FAM120B: variants seen among roughly 807,000 people sequenced by gnomAD.
FAM120B encodes family with sequence similarity 120 member B.
Under a neutral mutation model 96.3 loss-of-function variants are expected in FAM120B, and 83 were observed. The observed-to-expected ratio is 0.86, with a 90% CI of 0.72 to 1.03. The LOEUF (loss-of-function observed/expected upper bound fraction) is 1.03. FAM120B is among the 50% of genes least tolerant of loss of function. The pLI is 0.00. For synonymous variants in FAM120B, 407 were observed against 402.7 expected (o/e 1.01, Z -0.13); for missense variants, 1,027 against 1,121.2 (o/e 0.92, Z 1.20).
intron 9 of FAM120B, among the ~76,000 whole-genome samples, chr6:170,397,927 G>C (rs1005669040): frequency 6.6e-6 from 1 of 152,226 alleles, no homozygotes; most frequent in Non-Finnish European, 1.5e-5. Context: ...GTGCTGTCAT[G>C]TCCCCTACTC....
chr6:170,290,965 G>A, upstream of FAM120B: 3 of 701,112 alleles, frequency 4.3e-6, no homozygotes, highest in East Asian at 2.7e-5. The surrounding 1 kb of genome is among the most constrained non-coding windows in gnomAD (Gnocchi z 4.7). Flanking sequence ...ATATTCAGCC[G>A]GCCGCCCGCA....
intron 8 of FAM120B, among the ~76,000 whole-genome samples, chr6:170,392,491 CATTG>C (rs1327965988): frequency 6.6e-6 from 1 of 152,216 alleles, no homozygotes; most frequent in Non-Finnish European, 1.5e-5. Context: ...AAATCTATCT[CATTG>C]ATTGAATGCT....
At chr6:170,309,417 A>G (rs1295126570) in intron 1 of FAM120B, among the ~76,000 whole-genome samples, 1 of 152,230 alleles carries the variant, frequency 6.6e-6, no homozygotes, top group Non-Finnish European at 1.5e-5. Context: ...TGTACAGTAA[A>G]TCAGGGCCTC....
chr6:170,369,596 A>T (rs1356914788), intron 6 of FAM120B, among the ~76,000 whole-genome samples: 1 of 152,122 alleles, frequency 6.6e-6, no homozygotes, highest in Non-Finnish European at 1.5e-5. Context: ...AGGTGTTGCC[A>T]GCAGTGCTGG....
At chr6:170,292,055 A>G (rs1783890710), upstream of FAM120B, among the ~76,000 whole-genome samples, 2 of 152,144 alleles carry the variant, frequency 1.3e-5, no homozygotes, top group African/African-American at 4.8e-5. This position sits in a 1 kb window ranked among gnomAD's most constrained non-coding sequence, Gnocchi z 6.6. Context: ...GGTAATGCAG[A>G]CAGCACCTGC....
chr6:170,398,000 T>A (rs898969381), intron 9 of FAM120B, among the ~76,000 whole-genome samples: 1 of 152,224 alleles, frequency 6.6e-6, no homozygotes, highest in Non-Finnish European at 1.5e-5. Context: ...TTGCCCCCTT[T>A]CTTCCCCCTG....
chr6:170,347,291 GC>G (rs1474641674), intron 4 of FAM120B, among the ~76,000 whole-genome samples: 1 of 152,176 alleles, frequency 6.6e-6, no homozygotes, highest in Non-Finnish European at 1.5e-5. Context: ...GAAAATCACA[GC>G]TGTGGATAGC....
At chr6:170,403,725 A>G (rs1418604690) in intron 9 of FAM120B, among the ~76,000 whole-genome samples, 2 of 151,960 alleles carry the variant, frequency 1.3e-5, no homozygotes, top group African/African-American at 4.8e-5. Context: ...CATAGCTACA[A>G]TTTGCCTGTG....
rs936987621 is a variant in FAM120B, at chr6:170,370,061, A to G, written c.2283+11743A>G. On this transcript the variant is annotated intron_variant, in intron 6 of 10. Transcript: ENST00000476287. The surrounding 1 kb of genome is among the most constrained non-coding windows in gnomAD (Gnocchi z 4.3). Reference sequence around the variant, plus strand: ...AAATGTACCTTTTTTGAATATAGCAATCTAATTTCTCTTTTAAACCCATTC... The same window carrying G: ...AAATGTACCTTTTTTGAATATAGCAGTCTAATTTCTCTTTTAAACCCATTC... 2.0e-5 allele frequency among the ~76,000 whole-genome samples: 3 copies of G among 152,214 alleles called. No individual in the cohort carries two copies. Among genetic ancestry groups the G allele is most frequent in the African/African-American group, 7.2e-5 (3 of 41,452 alleles).
chr6:170,347,478 GT>G (rs1301738523), intron 4 of FAM120B, among the ~76,000 whole-genome samples: 1 of 152,154 alleles, frequency 6.6e-6, no homozygotes, highest in Non-Finnish European at 1.5e-5. Flanking sequence ...GATTTTAATA[GT>G]TTAAACATCT....
chr6:170,346,477 G>GA (rs1382506304), intron 4 of FAM120B, among the ~76,000 whole-genome samples: 2 of 152,204 alleles, frequency 1.3e-5, no homozygotes, highest in Non-Finnish European at 1.5e-5. Context: ...GATAATAGAA[G>GA]ATTCATTACT....
chr6:170,400,485 G>C (rs1002132792), intron 9 of FAM120B, among the ~76,000 whole-genome samples: 1 of 152,104 alleles, frequency 6.6e-6, no homozygotes, highest in Non-Finnish European at 1.5e-5. Flanking sequence ...GCTTCAGACA[G>C]GCTGACTTTG....
upstream of FAM120B, among the ~76,000 whole-genome samples, chr6:170,293,685 C>T (rs1413065894): frequency 6.6e-6 from 1 of 151,938 alleles, no homozygotes; most frequent in African/African-American, 2.4e-5. Flanking sequence ...TTTTCCTCCT[C>T]CTCCTCCTCT....
chr6:170,369,198 A>G lies in FAM120B; in HGVS notation c.2283+10880A>G, dbSNP rs1293857024. 2.0e-5 allele frequency among the ~76,000 whole-genome samples: 3 copies of G among 151,018 alleles called. No individual in the cohort carries two copies. The South Asian group carries it at 6.3e-4, about 32-fold the overall frequency. Reference sequence around the variant, plus strand: ...CAAAGCAAAAGAAATTAGTATTCATATTTTTCCTCACTTTTATTCTCTCTT... The same window carrying G: ...CAAAGCAAAAGAAATTAGTATTCATGTTTTTCCTCACTTTTATTCTCTCTT... On this transcript the variant is annotated intron_variant, in intron 6 of 10. Transcript: ENST00000476287.
intron 1 of FAM120B, among the ~76,000 whole-genome samples, chr6:170,314,093 C>T (rs1351448668): frequency 6.6e-6 from 1 of 152,248 alleles, no homozygotes; most frequent in African/African-American, 2.4e-5. Context: ...CTTTCCATTT[C>T]CCTATTTACT....
At position 170,295,557 on chromosome 6, in the gene FAM120B, T is replaced by G. The variant is rs1249019514; in HGVS notation, c.48+104T>G. 1.6e-5 allele frequency: 9 copies of G among 579,226 alleles called. No individual in the cohort carries two copies. The highest frequency in any genetic ancestry group is 2.7e-5 in the Non-Finnish European group (9 of 331,786). The allele number at this position is 579,226 out of a possible 1,614,324, so 35.9% of individuals were successfully genotyped here. A position where few individuals can be genotyped will look rare whatever the true frequency, so the allele number is the denominator to read the frequency against. On this transcript the variant is annotated intron_variant, in intron 1 of 10. Coordinates refer to the FAM120B transcript ENST00000537664. This position sits in a 1 kb window ranked among gnomAD's most constrained non-coding sequence, Gnocchi z 7.8. ...CGGCGCGGGCAGCTCTGCGCGAAGG[T>G]GGGCGACGGTGGGGGCACAAGAACA...
chr6:170,348,476 A>G (rs559216505), intron 5 of FAM120B, among the ~76,000 whole-genome samples, 153 bp downstream of exon 5: 1 of 152,334 alleles, frequency 6.6e-6, no homozygotes, highest in East Asian at 1.9e-4. Flanking sequence ...CTCTAAAAAT[A>G]AAAAGAAGAT....
chr6:170,358,097 T>C, intron 5 of FAM120B, 129 bp from the exon 6 acceptor site: 1 of 722,770 alleles, frequency 1.4e-6, no homozygotes. Context: ...CCTGTGCGTG[T>C]GCCTGTACGT....
chr6:170,359,286 G>T (rs906886537), intron 6 of FAM120B, among the ~76,000 whole-genome samples: 1 of 151,846 alleles, frequency 6.6e-6, no homozygotes, highest in Non-Finnish European at 1.5e-5. Context: ...CTAGCTACTT[G>T]CAAGGCTGAG....
Sources: allele counts gnomAD v4.1 joint callset (sites outside exome capture counted in the v4.1 genomes callset), GRCh38; gene constraint gnomAD v4.1.1; non-coding constraint Gnocchi (gnomAD v3.1); transcripts MANE v1.5; gene names NCBI Gene and HGNC (gene_info 2026-07-23, HGNC 2026-07-21).